Variants in TTC29 observed in about 807,000 individuals in gnomAD.
TTC29 encodes tetratricopeptide repeat domain 29, also known as tetratricopeptide repeat protein 29.
In TTC29, 49 loss-of-function variants were observed where a neutral mutation model predicts 58.1. The ratio of observed to expected loss-of-function variants is 0.84; its 90% CI spans 0.67 to 1.07. The LOEUF (loss-of-function observed/expected upper bound fraction) is 1.07. Ranked by LOEUF, TTC29 falls within the 50% of genes least tolerant of loss-of-function variation. The pLI, the probability that TTC29 is intolerant of heterozygous loss-of-function variation, is 0.00. For missense variants in TTC29, 582 were observed against 555.6 expected (o/e 1.05, Z -0.48); for synonymous variants, 209 against 196.8 (o/e 1.06, Z -0.52).
chr4:146,828,059 G>A (rs531494323), intron 9 of TTC29, among the ~76,000 whole-genome samples: 64 of 151,964 alleles, frequency 4.2e-4, no homozygotes, highest in African/African-American at 1.4e-3. Flanking sequence ...GAAATAGGAT[G>A]AAATTTTATG....
At chr4:146,882,730 AT>A (rs1731715829) in intron 6 of TTC29, among the ~76,000 whole-genome samples, 1 of 152,116 alleles carries the variant, frequency 6.6e-6, no homozygotes, top group African/African-American at 2.4e-5. Context: ...AAGTATCAGT[AT>A]TGATTATTGA....
At chr4:146,840,637 C>T (rs1728796324) in intron 8 of TTC29, among the ~76,000 whole-genome samples, 1 of 151,962 alleles carries the variant, frequency 6.6e-6, no homozygotes, top group African/African-American at 2.4e-5. Context: ...ATACAAAATC[C>T]CTGGCCCATT....
At chr4:146,804,331 T>A (rs1006396770) in intron 10 of TTC29, among the ~76,000 whole-genome samples, 3 of 152,104 alleles carry the variant, frequency 2.0e-5, no homozygotes, top group South Asian at 4.1e-4. Context: ...CTGAGCTAGC[T>A]GCAGGAGTTT....
intron 4 of TTC29, among the ~76,000 whole-genome samples, chr4:146,918,779 G>A (rs1335818609): frequency 6.6e-6 from 1 of 151,074 alleles, no homozygotes; most frequent in Admixed American, 6.6e-5. Context: ...ACCAGGAATG[G>A]ATAAACTATT....
chr4:146,881,955 C>G (rs1731655389), intron 6 of TTC29, among the ~76,000 whole-genome samples: 1 of 152,048 alleles, frequency 6.6e-6, no homozygotes, highest in Non-Finnish European at 1.5e-5. Context: ...GGAATCCTCT[C>G]TTTGTCATTT....
intron 8 of TTC29, among the ~76,000 whole-genome samples, chr4:146,861,458 T>A (rs1730227553): frequency 6.6e-6 from 1 of 152,182 alleles, no homozygotes; most frequent in Non-Finnish European, 1.5e-5. Flanking sequence ...CTTGCACAGA[T>A]TTATTAGTGT....
At chr4:146,781,589 T>C (rs1051910337) in intron 11 of TTC29, among the ~76,000 whole-genome samples, 1 of 152,106 alleles carries the variant, frequency 6.6e-6, no homozygotes, top group South Asian at 2.1e-4. Flanking sequence ...TTATGAAATA[T>C]TTACTCAACA....
At chr4:146,872,953 A>G (rs1388648444) in intron 7 of TTC29, among the ~76,000 whole-genome samples, 1 of 152,168 alleles carries the variant, frequency 6.6e-6, no homozygotes, top group African/African-American at 2.4e-5. Flanking sequence ...CAAAAGGTGG[A>G]AACAACTCAT....
chr4:146,854,039 C>T (rs1729677840), intron 8 of TTC29, among the ~76,000 whole-genome samples: 1 of 152,134 alleles, frequency 6.6e-6, no homozygotes, highest in South Asian at 2.1e-4. Context: ...TCCCTCATCC[C>T]TCCCCTGGGA....
At chr4:146,764,052 A>T (rs1440358526) in intron 11 of TTC29, 1 of 152,096 alleles carries the variant, frequency 6.6e-6, no homozygotes, top group African/African-American at 2.4e-5. Flanking sequence ...GTAATGTTTC[A>T]AGTGCACAAC....
intron 11 of TTC29, among the ~76,000 whole-genome samples, chr4:146,801,489 G>GTT (rs1281674754): frequency 6.6e-6 from 1 of 151,984 alleles, no homozygotes; most frequent in East Asian, 1.9e-4. Flanking sequence ...GCAAAGGAGT[G>GTT]TTTTATTTTA....
intron 4 of TTC29, among the ~76,000 whole-genome samples, chr4:146,935,331 A>C (rs1735706121): frequency 6.6e-6 from 1 of 152,226 alleles, no homozygotes; most frequent in Non-Finnish European, 1.5e-5. Flanking sequence ...GCCAGTGTAC[A>C]TCAATTGTAT....
At chr4:146,830,700 C>T (rs771373990) in intron 9 of TTC29, among the ~76,000 whole-genome samples, 20 of 152,108 alleles carry the variant, frequency 1.3e-4, no homozygotes, top group South Asian at 2.1e-4. Flanking sequence ...GTTTCTTGCA[C>T]GTTGCTACTA....
chr4:146,841,588 T>C (rs1728855335), intron 8 of TTC29, among the ~76,000 whole-genome samples: 1 of 152,120 alleles, frequency 6.6e-6, no homozygotes, highest in Non-Finnish European at 1.5e-5. Context: ...TTATTTTTTT[T>C]CCTCTGTACC....
At chr4:146,817,206 C>T (rs1751469703) in intron 10 of TTC29, among the ~76,000 whole-genome samples, 1 of 152,188 alleles carries the variant, frequency 6.6e-6, no homozygotes, top group Non-Finnish European at 1.5e-5. Context: ...CCAAAATCTC[C>T]TTAAGCTGAT....
intron 6 of TTC29, among the ~76,000 whole-genome samples, chr4:146,897,448 A>C (rs1732842570): frequency 6.6e-6 from 1 of 152,072 alleles, no homozygotes; most frequent in Non-Finnish European, 1.5e-5. Flanking sequence ...ATGATTGCCC[A>C]TGTGGTAAAT....
At chr4:146,727,587 A>G (rs111700127) in intron 11 of TTC29, among the ~76,000 whole-genome samples, 1 of 152,186 alleles carries the variant, frequency 6.6e-6, no homozygotes, top group Non-Finnish European at 1.5e-5. Flanking sequence ...AGTTGAAATC[A>G]TATAATATGT....
intron 6 of TTC29, among the ~76,000 whole-genome samples, chr4:146,891,270 T>C (rs1353560086): frequency 1.3e-5 from 2 of 152,206 alleles, no homozygotes; most frequent in East Asian, 3.8e-4. Context: ...TTTTAAAATA[T>C]ATAATGTTGA....
At chr4:146,868,629 C>T (rs1730722468) in intron 7 of TTC29, among the ~76,000 whole-genome samples, 1 of 152,086 alleles carries the variant, frequency 6.6e-6, no homozygotes, top group African/African-American at 2.4e-5. Flanking sequence ...ACATGACATA[C>T]CTCATACCAT....
Sources: allele counts gnomAD v4.1 joint callset (sites outside exome capture counted in the v4.1 genomes callset), GRCh38; gene constraint gnomAD v4.1.1; transcripts MANE v1.5; gene names NCBI Gene and HGNC (gene_info 2026-07-23, HGNC 2026-07-21).